The following GHR variants were observed in gnomAD, a reference collection of about 807,000 sequenced individuals.
The protein encoded by GHR is GH receptor.
A neutral mutation model predicts 67.1 loss-of-function variants in GHR; 35 were observed. The ratio of observed to expected loss-of-function variants is 0.52; its 90% CI spans 0.40 to 0.69. GHR has a LOEUF of 0.69. Among genes scored for constraint, GHR ranks in the 30% least tolerant of loss-of-function variants. The pLI is 0.00. For missense variants in GHR, 792 were observed against 764.6 expected (o/e 1.04, Z -0.42); for synonymous variants, 272 against 269.1 (o/e 1.01, Z -0.10).
rs557669266 is a variant in GHR at position 42,527,753 on chromosome 5, C to T, written c.-11-38111C>T. On this transcript the variant is annotated intron_variant, in intron 1 of 9. Coordinates refer to ENST00000230882, the MANE Select transcript of GHR (RefSeq NM_000163.5). ...CTCCACCTAAAAATAACAAAATATACATTCTTCTCATCACCACGTGGCACA... is the reference window on the plus strand; with the variant it reads ...CTCCACCTAAAAATAACAAAATATATATTCTTCTCATCACCACGTGGCACA... Among the ~76,000 whole-genome samples the T allele has an allele frequency of 7.2e-5, 11 of 152,272 alleles. No individual in the cohort carries two copies. The South Asian group carries it at 2.1e-3, about 29-fold the overall frequency.
chr5:42,682,391 G>A (rs1447805308), intron 3 of GHR, among the ~76,000 whole-genome samples: 3 of 152,160 alleles, frequency 2.0e-5, no homozygotes, highest in African/African-American at 7.2e-5. Context: ...TGGCTAATCA[G>A]AGAAGACCTA....
At chr5:42,488,784 C>T (rs1434297610) in intron 1 of GHR, among the ~76,000 whole-genome samples, 2 of 152,218 alleles carry the variant, frequency 1.3e-5, no homozygotes, top group Non-Finnish European at 2.9e-5. Context: ...GAAGTCATCA[C>T]CATCTTTATC....
chr5:42,694,345 T>C (rs1422766254), intron 4 of GHR, among the ~76,000 whole-genome samples: 1 of 152,210 alleles, frequency 6.6e-6, no homozygotes, highest in East Asian at 1.9e-4. Flanking sequence ...AAAAAACTAC[T>C]CAGATGGGAA....
intron 1 of GHR, among the ~76,000 whole-genome samples, chr5:42,488,347 G>C (rs922650313): frequency 6.6e-6 from 1 of 152,140 alleles, no homozygotes; most frequent in Non-Finnish European, 1.5e-5. Flanking sequence ...AAGTTAACTC[G>C]TAAGTAAATG....
intron 1 of GHR, among the ~76,000 whole-genome samples, chr5:42,471,680 G>A: frequency 6.6e-6 from 1 of 152,096 alleles, no homozygotes; most frequent in Non-Finnish European, 1.5e-5. Context: ...TTTGTTAAGT[G>A]CCTAGAACTG....
At chr5:42,683,800 C>A (rs143230078) in intron 3 of GHR, among the ~76,000 whole-genome samples, 2 of 152,166 alleles carry the variant, frequency 1.3e-5, no homozygotes, top group African/African-American at 2.4e-5. Flanking sequence ...CAGACACACA[C>A]GTCATCACAT....
chr5:42,658,859 C>A (rs1752408134), intron 3 of GHR, among the ~76,000 whole-genome samples: 1 of 152,044 alleles, frequency 6.6e-6, no homozygotes, highest in Non-Finnish European at 1.5e-5. Context: ...CCTAGGGAGT[C>A]CATTACTTCT....
intron 1 of GHR, among the ~76,000 whole-genome samples, chr5:42,435,067 C>A (rs1743264178): frequency 6.6e-6 from 1 of 152,190 alleles, no homozygotes; most frequent in Non-Finnish European, 1.5e-5. Flanking sequence ...TTGGGCACTG[C>A]AGATATAGAG....
rs187528787 is a variant in GHR, at chr5:42,465,099, C to T, written c.-12+41144C>T. Among the ~76,000 whole-genome samples the T allele has an allele frequency of 5.3e-5, 8 of 152,208 alleles. No homozygotes were observed. The South Asian group carries it at 8.3e-4, about 16-fold the overall frequency. On this transcript the variant is annotated intron_variant, in intron 1 of 9. Transcript: ENST00000230882. The stretch of plus-strand genomic sequence containing the variant: ...ATTTCTGGTGCTGTGTGACAAAGTC[C>T]GGTTCCTTTTGTCTAAGTTAGTTAT...
At chr5:42,501,878 A>G (rs939343861) in intron 1 of GHR, among the ~76,000 whole-genome samples, 1 of 152,228 alleles carries the variant, frequency 6.6e-6, no homozygotes, top group African/African-American at 2.4e-5. Flanking sequence ...GAAAGATCCT[A>G]TAATCACCAT....
intron 6 of GHR, among the ~76,000 whole-genome samples, chr5:42,700,376 C>G (rs997216074): frequency 6.6e-6 from 1 of 152,156 alleles, no homozygotes; most frequent in African/African-American, 2.4e-5. Flanking sequence ...CCCATGATTT[C>G]AGTTGCTGCT....
At chr5:42,661,612 C>T (rs1335023522) in intron 3 of GHR, among the ~76,000 whole-genome samples, 2 of 152,188 alleles carry the variant, frequency 1.3e-5, no homozygotes, top group East Asian at 3.8e-4. Flanking sequence ...AAGCACTAAA[C>T]ATGGAAAGGA....
At chr5:42,600,877 TACCGTTCTGTGTCCAGAAATTAAAA>T (rs1752338563) in intron 2 of GHR, among the ~76,000 whole-genome samples, 1 of 151,844 alleles carries the variant, frequency 6.6e-6, no homozygotes, top group African/African-American at 2.4e-5. Context: ...GTCAAACTGT[TACCGTTCTGTGTCCAGAAATTAAAA>T]TCTATTCTTT....
At chr5:42,445,598 CT>C (rs1380264035) in intron 1 of GHR, among the ~76,000 whole-genome samples, 2 of 152,170 alleles carry the variant, frequency 1.3e-5, no homozygotes, top group Non-Finnish European at 2.9e-5. Context: ...CTTCCAATCT[CT>C]GGTGATAAGT....
Position 42,424,369 on chromosome 5 carries a change from T to C in GHR, c.-12+414T>C, listed in dbSNP as rs1742748636. On this transcript the variant is annotated intron_variant, in intron 1 of 9. Coordinates refer to ENST00000230882, the MANE Select transcript of GHR (RefSeq NM_000163.5). This position sits in a 1 kb window ranked among gnomAD's most constrained non-coding sequence, Gnocchi z 4.1. ...CATAAAAGTTTTGCTAGTGTGTTTC[T>C]GTTTGCCATCATCTGCCTGGCTGCG... 8 of 595,094 alleles carry C rather than the reference T, an allele frequency of 1.3e-5. No individual in the cohort carries two copies. In the South Asian group the frequency reaches 1.6e-4, roughly 12 times the overall value. 36.9% of individuals were successfully genotyped at this position (595,094 alleles called of 1,614,324 possible).
At chr5:42,676,602 ACC>A (rs1043052732) in intron 3 of GHR, among the ~76,000 whole-genome samples, 9 of 152,118 alleles carry the variant, frequency 5.9e-5, no homozygotes, top group Non-Finnish European at 8.8e-5. Context: ...AAAAAAGTCT[ACC>A]AGTCTTTTTC....
chr5:42,684,381 G>T (rs1463980373), intron 3 of GHR, among the ~76,000 whole-genome samples: 1 of 152,166 alleles, frequency 6.6e-6, no homozygotes, highest in African/African-American at 2.4e-5. Flanking sequence ...CGAACAGTTA[G>T]AATGTGAAAT....
At chr5:42,650,663 A>G (rs2112822464) in intron 3 of GHR, among the ~76,000 whole-genome samples, 1 of 150,642 alleles carries the variant, frequency 6.6e-6, no homozygotes, top group African/African-American at 2.4e-5. Flanking sequence ...TTGTAATCAC[A>G]TCAGGCGGCA....
intron 2 of GHR, among the ~76,000 whole-genome samples, chr5:42,572,218 C>T (rs866776604): frequency 1.8e-4 from 27 of 152,302 alleles, no homozygotes; most frequent in Middle Eastern, 3.4e-3. Flanking sequence ...TCAATAAAGA[C>T]ATTTTTGGGG....
Sources: allele counts gnomAD v4.1 joint callset (sites outside exome capture counted in the v4.1 genomes callset), GRCh38; gene constraint gnomAD v4.1.1; non-coding constraint Gnocchi (gnomAD v3.1); transcripts MANE v1.5; gene names NCBI Gene and HGNC (gene_info 2026-07-23, HGNC 2026-07-21).